Variants in SIVA1 observed in about 807,000 individuals in gnomAD.
The protein encoded by SIVA1 is apoptosis regulatory protein Siva.
SIVA1 carries 10 observed loss-of-function variants against 19.7 expected under a neutral mutation model. That is an observed-to-expected ratio of 0.51 (90% confidence interval 0.31 to 0.86). The LOEUF (loss-of-function observed/expected upper bound fraction) is 0.86, where lower values mean the gene tolerates loss of function less well. Ranked by LOEUF, SIVA1 falls within the 40% of genes least tolerant of loss-of-function variation. The pLI, the probability that SIVA1 is intolerant of heterozygous loss-of-function variation, is 0.04. For synonymous variants in SIVA1, 130 were observed against 106.1 expected, an observed-to-expected ratio of 1.23 and a Z score of -1.39; for missense variants, 241 against 245.2, an observed-to-expected ratio of 0.98 and a Z score of 0.11.
rs1030559100 is a variant in SIVA1 at position 104,759,215 on chromosome 14, G to A, written c.471-213G>A. The A allele has an allele frequency of 6.5e-6, 3 of 458,392 alleles. No homozygotes were observed. Among genetic ancestry groups the A allele is most frequent in the Non-Finnish European group, 1.2e-5 (3 of 256,252 alleles). 28.4% of individuals were successfully genotyped at this position (458,392 alleles called of 1,614,324 possible). On this transcript the variant is annotated intron_variant, in intron 3 of 3. Transcript: ENST00000329967. The surrounding 1 kb of genome is among the most constrained non-coding windows in gnomAD (Gnocchi z 4.2). ...TCCTTCTCTGTGTCCTTCTCTTCAC[G>A]TAGTCTTTTTAGGACGCTGGTCGTG...
intron 2 of SIVA1, chr14:104,756,033 C>T: frequency 1.5e-6 from 1 of 679,976 alleles, no homozygotes. Context: ...AGTACTGGGC[C>T]AAAAAAGCAG....
Position 104,759,457 on chromosome 14 carries a change from G to T in SIVA1, c.500G>T (p.Cys167Phe). Reference sequence around the variant, plus strand: ...AGTGACATGTACGAGAAAGTGCTGTGCACCAGCTGTGCCATGTTCGAGACC... The same window carrying T: ...AGTGACATGTACGAGAAAGTGCTGTTCACCAGCTGTGCCATGTTCGAGACC... ...DCSDMYEKVL[C>F]TSCAMFET Residue 167 changes from cysteine (C) to phenylalanine (F), a missense_variant, in exon 4 of 4, where the codon TGC becomes TTC. Transcript: ENST00000329967. The surrounding 1 kb of genome is among the most constrained non-coding windows in gnomAD (Gnocchi z 4.2). 1 of 1,612,748 alleles carries T rather than the reference G, an allele frequency of 6.2e-7. No individual in the cohort carries two copies.
intron 2 of SIVA1, 104 bp downstream of exon 2, chr14:104,755,928 C>T (rs779531522): frequency 1.8e-6 from 2 of 1,114,270 alleles, no homozygotes; most frequent in Non-Finnish European, 2.6e-6. Context: ...CCTGGGTAAG[C>T]AGGACTCTGA....
At chr14:104,754,694 C>G (rs1280405467) in intron 1 of SIVA1, among the ~76,000 whole-genome samples, 2 of 152,164 alleles carry the variant, frequency 1.3e-5, no homozygotes, top group African/African-American at 4.8e-5. Flanking sequence ...ACCCTGATCT[C>G]TTAACCTCGA....
Position 104,759,548 on chromosome 14 carries a change from G to T in SIVA1, c.*63G>T. The T allele has an allele frequency of 2.1e-6, 3 of 1,415,960 alleles. No homozygotes were observed. The South Asian group carries it at 3.5e-5, about 16-fold the overall frequency. The allele number at this position is 1,415,960 out of a possible 1,614,324, so 87.7% of individuals were successfully genotyped here. On this transcript the variant is annotated 3_prime_UTR_variant, in exon 4 of 4. Coordinates refer to ENST00000329967, the MANE Select transcript of SIVA1 (RefSeq NM_006427.4). The surrounding 1 kb of genome is among the most constrained non-coding windows in gnomAD (Gnocchi z 4.2). The stretch of plus-strand genomic sequence containing the variant: ...CCGTGCATGGCAGCCTTCCCTGGAC[G>T]AGCGCTCGGTGTTCACACTGAACTG...
Position 104,759,555 on chromosome 14 carries a change from C to A in SIVA1, c.*70C>A. The A allele has an allele frequency of 7.5e-7, 1 of 1,333,654 alleles. No homozygotes were observed. The highest frequency in any genetic ancestry group is 1.2e-5 in the South Asian group (1 of 84,062). 82.6% of individuals were successfully genotyped at this position (1,333,654 alleles called of 1,614,324 possible). A position where few individuals can be genotyped will look rare whatever the true frequency, so the allele number is the denominator to read the frequency against. ...TGGCAGCCTTCCCTGGACGAGCGCT[C>A]GGTGTTCACACTGAACTGTGGGGTC... On this transcript the variant is annotated 3_prime_UTR_variant, in exon 4 of 4. Transcript: ENST00000329967. The surrounding 1 kb of genome is among the most constrained non-coding windows in gnomAD (Gnocchi z 4.2).
chr14:104,754,361 G>A (rs1291606625), intron 1 of SIVA1, among the ~76,000 whole-genome samples: 1 of 152,204 alleles, frequency 6.6e-6, no homozygotes, highest in African/African-American at 2.4e-5. Context: ...TGCTAGGGCT[G>A]TGAAAGCGAG....
chr14:104,754,614 C>T (rs1190546281), intron 1 of SIVA1, among the ~76,000 whole-genome samples: 1 of 152,166 alleles, frequency 6.6e-6, no homozygotes, highest in Non-Finnish European at 1.5e-5. Context: ...TGCAGTGGGC[C>T]TTCCATGGTA....
Position 104,753,212 on chromosome 14 carries a change from G to C in SIVA1, c.11G>C (p.Arg4Pro), listed in dbSNP as rs1891762811. ...CCCGGCCCCGCGGCCATGCCCAAGC[G>C]GAGCTGCCCCTTCGCGGACGTGGCC... MPKRSCPFADVAPL... is the reference protein window; with the variant it reads MPKPSCPFADVAPL... Residue 4 changes from arginine to proline, a missense_variant, in exon 1 of 4, where the codon CGG becomes CCG. Transcript: ENST00000329967. The C allele has an allele frequency of 6.4e-7, 1 of 1,573,806 alleles. No individual in the cohort carries two copies. The highest frequency in any genetic ancestry group is 2.4e-5 in the East Asian group (1 of 42,206).
intron 1 of SIVA1, 80 bp downstream of exon 1, chr14:104,753,399 T>A: frequency 1.0e-6 from 1 of 956,528 alleles, no homozygotes; most frequent in Middle Eastern, 2.8e-4. Flanking sequence ...CTCTGAGGCC[T>A]GAGCGGGGGG....
At chr14:104,758,280 G>C in intron 3 of SIVA1, 1 of 152,556 alleles carries the variant, frequency 6.6e-6, no homozygotes, top group Non-Finnish European at 1.5e-5. Flanking sequence ...CTGGCTGCCG[G>C]TGGCGGTGAG....
Position 104,756,608 on chromosome 14 carries a change from A to G in SIVA1, c.318A>G (p.Pro106=). 1 of 1,614,164 alleles carries G rather than the reference A, an allele frequency of 6.2e-7. No homozygotes were observed. Among genetic ancestry groups the G allele is most frequent in the South Asian group, 1.1e-5 (1 of 91,088 alleles). The change falls in exon 3 of 4, where the codon CCA becomes CCG. Residue 106 remains proline (P), a synonymous_variant. Transcript: ENST00000329967. Reference sequence around the variant, plus strand: ...CTTGGCGTTTCTTCCTCACAGACCCATCTGGGGTAGCGTCCATTGCCTGTT... The same window carrying G: ...CTTGGCGTTTCTTCCTCACAGACCCGTCTGGGGTAGCGTCCATTGCCTGTT... ...RSLGQASEAD[P]SGVASIACSS... is the part of the protein sequence containing the mutation.
At position 104,759,601 on chromosome 14, in the gene SIVA1, C is replaced by A; in HGVS notation, c.*116C>A. The A allele has an allele frequency of 1.4e-6, 1 of 737,364 alleles. No homozygotes were observed. 45.7% of individuals were successfully genotyped at this position (737,364 alleles called of 1,614,324 possible). A position where few individuals can be genotyped will look rare whatever the true frequency, so the allele number is the denominator to read the frequency against. ...GGGTCGACGGGAGGGGTGCCTTTTACATGTTCTATTTTGTATCCTAATGAC... is the reference window on the plus strand; with the variant it reads ...GGGTCGACGGGAGGGGTGCCTTTTAAATGTTCTATTTTGTATCCTAATGAC... On this transcript the variant is annotated 3_prime_UTR_variant, in exon 4 of 4. Coordinates refer to ENST00000329967, the MANE Select transcript of SIVA1 (RefSeq NM_006427.4). This position sits in a 1 kb window ranked among gnomAD's most constrained non-coding sequence, Gnocchi z 4.2.
intron 3 of SIVA1, chr14:104,757,405 G>C (rs1655048907): frequency 3.3e-6 from 1 of 305,010 alleles, no homozygotes; most frequent in South Asian, 2.4e-5. Flanking sequence ...TCCAAACAAT[G>C]TCTGAAATTG....
chr14:104,754,000 G>A (rs1732565189), intron 1 of SIVA1: 1 of 300,022 alleles, frequency 3.3e-6, no homozygotes, highest in African/African-American at 2.2e-5. Flanking sequence ...AGGGAAGGAA[G>A]AGGGCGAGGC....
chr14:104,754,963 C>G (rs1891836463), intron 1 of SIVA1, among the ~76,000 whole-genome samples: 1 of 152,248 alleles, frequency 6.6e-6, no homozygotes, highest in Non-Finnish European at 1.5e-5. Context: ...ATTTCTGGGT[C>G]TGGCCCTGGG....
chr14:104,753,290 G>A lies in SIVA1; in HGVS notation c.89G>A (p.Cys30Tyr), dbSNP rs775913740. The A allele has an allele frequency of 3.1e-6, 5 of 1,601,122 alleles. No homozygotes were observed. The South Asian group carries it at 5.6e-5, about 18-fold the overall frequency. ...CAGAGGGAGTTGAGCCGCGGCGTGT[G>A]CGCCGAGCGCTACTCGCAGGAGGTC... ...VSQRELSRGV[C>Y]AERYSQEVFE... Residue 30 changes from cysteine (C) to tyrosine (Y), a missense_variant, in exon 1 of 4, where the codon TGC becomes TAC. Coordinates refer to ENST00000329967, the MANE Select transcript of SIVA1 (RefSeq NM_006427.4).
In SIVA1 at chr14:104,756,628, C is replaced by T. The variant is rs138488746; in HGVS notation, c.338C>T (p.Ala113Val). ...GACCCATCTGGGGTAGCGTCCATTG[C>T]CTGTTCCTCATGCGTGCGAGCCGTG... ...EADPSGVASI[A>V]CSSCVRAVDG... The change falls in exon 3 of 4, where the codon GCC (alanine) becomes GTC (valine). Residue 113 changes from alanine to valine, a missense_variant. Physicochemically the swap from Ala to Val is moderately conservative, Grantham distance 64. Transcript: ENST00000329967. 2.1e-5 allele frequency: 34 copies of T among 1,614,224 alleles called. No homozygotes were observed. The highest frequency in any genetic ancestry group is 9.3e-5 in the African/African-American group (7 of 75,072).
intron 1 of SIVA1, among the ~76,000 whole-genome samples, 185 bp downstream of exon 1, chr14:104,753,504 G>T (rs944134076): frequency 2.6e-5 from 4 of 152,162 alleles, no homozygotes; most frequent in Admixed American, 1.3e-4. Context: ...CAGTGAGGGG[G>T]ATGTGAGGAC....
Sources: gnomAD v4.1 joint callset for allele counts (sites outside exome capture counted in the v4.1 genomes callset) on GRCh38, gnomAD v4.1.1 for gene constraint, Gnocchi (gnomAD v3.1) non-coding constraint, MANE v1.5 for transcripts, NCBI Gene and HGNC (gene_info 2026-07-23, HGNC 2026-07-21) for gene names.